The following SERBP1 variants were observed in gnomAD, a reference collection of about 807,000 sequenced individuals.
SERBP1 encodes the protein SERPINE1 mRNA binding protein 1.
Under a neutral mutation model 50.2 loss-of-function variants are expected in SERBP1, and 6 were observed. The observed-to-expected ratio is 0.12, with a 90% CI of 0.07 to 0.24. The LOEUF (loss-of-function observed/expected upper bound fraction) is 0.24, where lower values mean the gene tolerates loss of function less well. Among genes scored for constraint, SERBP1 ranks in the 10% least tolerant of loss-of-function variants. The pLI is 1.00. For missense variants in SERBP1, 346 were observed against 524.9 expected (o/e 0.66, Z 3.33); for synonymous variants, 168 against 182.8 (o/e 0.92, Z 0.65).
In SERBP1 at chr1:67,407,871, C is replaced by T. The variant is rs1666685849; in HGVS notation, c.*5336G>A. The stretch of plus-strand genomic sequence containing the variant: ...TCATTGGCTAATAGAACATTTTAGT[C>T]CCAATCCAACAAAATTTTAGGCAAA... On this transcript the variant is annotated 3_prime_UTR_variant, in exon 8 of 8. Coordinates refer to ENST00000361219, the MANE Select transcript of SERBP1 (RefSeq NM_001018069.2). The T allele has an allele frequency of 6.6e-6, 1 of 152,186 alleles. No individual in the cohort carries two copies. The highest frequency in any genetic ancestry group is 1.5e-5 in the Non-Finnish European group (1 of 68,022). The allele number at this position is 152,186 out of a possible 1,614,324, so 9.4% of individuals were successfully genotyped here. A position where few individuals can be genotyped will look rare whatever the true frequency, so the allele number is the denominator to read the frequency against.
At chr1:67,426,889 A>G (rs1326419192) in intron 1 of SERBP1, among the ~76,000 whole-genome samples, 1 of 152,256 alleles carries the variant, frequency 6.6e-6, no homozygotes, top group Non-Finnish European at 1.5e-5. Flanking sequence ...TAGGATTATT[A>G]GAGAACATCA....
chr1:67,418,965 G>C (rs895025459), intron 6 of SERBP1, among the ~76,000 whole-genome samples: 3 of 152,154 alleles, frequency 2.0e-5, no homozygotes, highest in Non-Finnish European at 4.4e-5. Flanking sequence ...AATATAGTTA[G>C]GGCTTGTATG....
intron 1 of SERBP1, among the ~76,000 whole-genome samples, chr1:67,427,158 T>C (rs1410304502): frequency 6.6e-6 from 1 of 152,184 alleles, no homozygotes; most frequent in Non-Finnish European, 1.5e-5. Context: ...AAAAACCAAA[T>C]ACACACACGT....
At chr1:67,419,940 A>T in intron 6 of SERBP1, 69 bp downstream of exon 6, 1 of 1,425,800 alleles carries the variant, frequency 7.0e-7, no homozygotes, top group Non-Finnish European at 9.8e-7. Context: ...TGAAATTTTA[A>T]AACAAAAATT....
rs753774554 is a variant in SERBP1 at position 67,429,982 on chromosome 1, C to T, written c.313+6G>A. 9.4e-6 allele frequency: 15 copies of T among 1,600,494 alleles called. 1 individual carries two copies. The highest frequency in any genetic ancestry group is 1.3e-5 in the Non-Finnish European group (15 of 1,173,552). ...CAGTCTCCCCCACATTCTGCCCCTGCTTTACCTTCTTTCTTAAGCGCCACG... is the reference window on the plus strand; with the variant it reads ...CAGTCTCCCCCACATTCTGCCCCTGTTTTACCTTCTTTCTTAAGCGCCACG... On this transcript the variant is annotated splice_donor_region_variant and intron_variant, in intron 1 of 7. Transcript: ENST00000361219.
At position 67,426,250 on chromosome 1, in the gene SERBP1, G is replaced by T. The variant is rs1407867364; in HGVS notation, c.349C>A (p.Leu117Ile). The change falls in exon 2 of 8, where the codon CTT becomes ATT. Residue 117 changes from leucine (L) to isoleucine (I), a missense_variant. This residue lies in a region of SERBP1 where 257 missense variants were observed against 331.2 expected (regional missense o/e 0.78). Transcript: ENST00000361219. ...RRVGRRPDQQ[L>I]QGEGKIIDRR... ...TCAATTATTTTCCCTTCACCCTGAAGTTGTTGATCAGGTCTTCTTCCAACT... is the reference window on the plus strand; with the variant it reads ...TCAATTATTTTCCCTTCACCCTGAATTTGTTGATCAGGTCTTCTTCCAACT... The T allele has an allele frequency of 1.6e-5, 26 of 1,603,158 alleles. No homozygotes were observed. The highest frequency in any genetic ancestry group is 2.2e-5 in the Non-Finnish European group (26 of 1,175,140).
At chr1:67,421,743 C>T (rs1667204024) in intron 5 of SERBP1, among the ~76,000 whole-genome samples, 1 of 152,060 alleles carries the variant, frequency 6.6e-6, no homozygotes, top group Non-Finnish European at 1.5e-5. Context: ...CACTTGAGGC[C>T]AGGAGTTCAA....
rs768733223 is a variant in SERBP1 at position 67,409,386 on chromosome 1, GACACAC to G, written c.*3815_*3820del. ...AAACCATTCTTAACTCAGGGACACG[GACACAC>G]ACACACACACACACACACACACACA... On this transcript the variant is annotated 3_prime_UTR_variant, in exon 8 of 8. Coordinates refer to ENST00000361219, the MANE Select transcript of SERBP1 (RefSeq NM_001018069.2). 22 of 114,176 alleles carry G rather than the reference GACACAC, an allele frequency of 1.9e-4. No homozygotes were observed. Among genetic ancestry groups the G allele is most frequent in the African/African-American group, 6.9e-4 (20 of 29,150 alleles). The allele number at this position is 114,176 out of a possible 1,614,324, so 7.1% of individuals were successfully genotyped here.
intron 6 of SERBP1, among the ~76,000 whole-genome samples, chr1:67,417,866 T>C (rs1423974717): frequency 6.6e-6 from 1 of 151,666 alleles, no homozygotes; most frequent in Admixed American, 6.6e-5. Context: ...CTGAGCTCTG[T>C]CAATAACACG....
At chr1:67,416,657 C>A (rs1453288557) in intron 6 of SERBP1, among the ~76,000 whole-genome samples, 1 of 152,124 alleles carries the variant, frequency 6.6e-6, no homozygotes, top group Non-Finnish European at 1.5e-5. Context: ...TAATAACTAG[C>A]CTTTAAAGTA....
At chr1:67,427,508 C>A (rs927597001) in intron 1 of SERBP1, among the ~76,000 whole-genome samples, 10 of 152,194 alleles carry the variant, frequency 6.6e-5, no homozygotes, top group African/African-American at 2.4e-4. Flanking sequence ...TGCCTGTTAA[C>A]TGGAGCCAAA....
chr1:67,429,919 G>C (rs1227065643), intron 1 of SERBP1, 69 bp downstream of exon 1: 1 of 1,474,480 alleles, frequency 6.8e-7, no homozygotes, highest in Non-Finnish European at 9.1e-7. Context: ...CCAGAAACAA[G>C]TGGCAGCCGG....
chr1:67,427,484 C>T (rs564751546), intron 1 of SERBP1, among the ~76,000 whole-genome samples: 30 of 152,310 alleles, frequency 2.0e-4, no homozygotes, highest in African/African-American at 6.7e-4. Context: ...TCAAGACACA[C>T]CCAGTTGTTC....
At chr1:67,415,434 T>G (rs1411500560) in intron 6 of SERBP1, 95 bp from the exon 7 acceptor site, 19 of 1,256,226 alleles carry the variant, frequency 1.5e-5, no homozygotes, top group Non-Finnish European at 2.1e-5. Context: ...AAACCAAAAA[T>G]CCAAACTGTA....
At chr1:67,425,358 T>C in intron 2 of SERBP1, 135 bp from the exon 3 acceptor site, 1 of 811,132 alleles carries the variant, frequency 1.2e-6, no homozygotes, top group Non-Finnish European at 1.9e-6. Context: ...TTCAGAAAAT[T>C]CAAAATAGTC....
At chr1:67,415,388 T>C (rs189162232) in intron 6 of SERBP1, 49 bp from the exon 7 acceptor site, 2 of 1,459,072 alleles carry the variant, frequency 1.4e-6, no homozygotes, top group South Asian at 1.5e-5. Flanking sequence ...AAAGTAACAT[T>C]GCAAAATTTC....
intron 5 of SERBP1, among the ~76,000 whole-genome samples, chr1:67,422,117 A>C (rs1040493410): frequency 6.6e-6 from 1 of 151,910 alleles, no homozygotes; most frequent in African/African-American, 2.4e-5. Context: ...ATTTTTATCT[A>C]CTCCCTCCAA....
intron 5 of SERBP1, among the ~76,000 whole-genome samples, chr1:67,422,829 T>C (rs1029085085): frequency 6.6e-6 from 1 of 150,996 alleles, no homozygotes; most frequent in Non-Finnish European, 1.5e-5. Flanking sequence ...GGCGTGGTGA[T>C]GCATGCCTGT....
intron 6 of SERBP1, 54 bp from the exon 7 acceptor site, chr1:67,415,393 A>C: frequency 6.9e-7 from 1 of 1,447,866 alleles, no homozygotes; most frequent in South Asian, 1.6e-5. Flanking sequence ...AACATTGCAA[A>C]ATTTCTAAAT....
Sources: gnomAD v4.1 joint callset for allele counts (sites outside exome capture counted in the v4.1 genomes callset) on GRCh38, gnomAD v4.1.1 for gene constraint, gnomAD v4.1.1 regional missense constraint, MANE v1.5 for transcripts, NCBI Gene and HGNC (gene_info 2026-07-23, HGNC 2026-07-21) for gene names.